Variants in CEP70 observed in about 807,000 individuals in gnomAD.
CEP70 encodes the protein centrosomal protein 70.
In CEP70, 70 loss-of-function variants were observed where a neutral mutation model predicts 90.9. That is an observed-to-expected ratio of 0.77 (90% confidence interval 0.64 to 0.94). CEP70 has a LOEUF of 0.94. Among genes scored for constraint, CEP70 ranks in the 40% least tolerant of loss-of-function variants. The pLI is 0.00. For synonymous variants in CEP70, 220 were observed against 228.3 expected, an observed-to-expected ratio of 0.96 and a Z score of 0.33; for missense variants, 648 against 669.0, an observed-to-expected ratio of 0.97 and a Z score of 0.35.
Position 138,505,451 on chromosome 3 carries a change from G to T in CEP70, c.1065C>A (p.Ile355=). The part of the protein sequence containing the change: ...DQRYFQVLCS[I]NSIIHNPRAP... The stretch of plus-strand genomic sequence containing the variant: ...CTCTTGGATTGTGGATAATTGAATT[G>T]ATGCTACACAGCACCTTTAAAAAAA... Residue 355 remains isoleucine (I), a synonymous_variant, in exon 13 of 18, where the codon ATC becomes ATA. Coordinates refer to ENST00000264982, the MANE Select transcript of CEP70 (RefSeq NM_024491.4). The T allele has an allele frequency of 6.3e-7, 1 of 1,598,760 alleles. No individual in the cohort carries two copies. Among genetic ancestry groups the T allele is most frequent in the South Asian group, 1.1e-5 (1 of 88,182 alleles).
chr3:138,570,909 T>C (rs1576887655), intron 5 of CEP70, 125 bp downstream of exon 5: 2 of 769,660 alleles, frequency 2.6e-6, no homozygotes, highest in East Asian at 3.0e-5. Flanking sequence ...AAATTTTACC[T>C]ACAAAAATAT....
At chr3:138,557,323 T>C (rs536330723) in intron 6 of CEP70, among the ~76,000 whole-genome samples, 1 of 152,220 alleles carries the variant, frequency 6.6e-6, no homozygotes, top group African/African-American at 2.4e-5. Context: ...TACAAACAAT[T>C]TGTGCAGTTA....
intron 16 of CEP70, chr3:138,499,890 T>G (rs899238000): frequency 4.4e-6 from 2 of 452,884 alleles, no homozygotes; most frequent in Non-Finnish European, 8.1e-6. Context: ...TAAATAAGTT[T>G]TGAAAGTCTT....
At chr3:138,538,123 G>A (rs2038442909) in intron 6 of CEP70, among the ~76,000 whole-genome samples, 1 of 152,168 alleles carries the variant, frequency 6.6e-6, no homozygotes, top group African/African-American at 2.4e-5. Flanking sequence ...TTCCTTGCAG[G>A]AGAACTGTTC....
chr3:138,527,659 C>A (rs1041826207), intron 10 of CEP70, among the ~76,000 whole-genome samples: 2 of 148,252 alleles, frequency 1.3e-5, no homozygotes, highest in Admixed American at 1.4e-4. Flanking sequence ...CGTGCCACAG[C>A]ACTCCAGCCT....
At chr3:138,572,067 C>T (rs372290228) in intron 3 of CEP70, among the ~76,000 whole-genome samples, 14 of 96,448 alleles carry the variant, frequency 1.5e-4, no homozygotes, top group Middle Eastern at 5.1e-3. Context: ...CGTGAGCCAC[C>T]GCCCCAGCCC....
At chr3:138,529,096 G>T in intron 10 of CEP70, 103 bp downstream of exon 10, 1 of 650,922 alleles carries the variant, frequency 1.5e-6, no homozygotes, top group South Asian at 2.1e-5. Flanking sequence ...AGCCCTGGAG[G>T]TCAAGGCTGC....
At chr3:138,566,597 G>A (rs1268806109) in intron 6 of CEP70, among the ~76,000 whole-genome samples, 1 of 152,030 alleles carries the variant, frequency 6.6e-6, no homozygotes, top group African/African-American at 2.4e-5. Context: ...ACTTATAAGT[G>A]GGAGCTGAAC....
At chr3:138,589,618 A>G (rs2042276208) in intron 2 of CEP70, among the ~76,000 whole-genome samples, 1 of 152,106 alleles carries the variant, frequency 6.6e-6, no homozygotes, top group Non-Finnish European at 1.5e-5. Flanking sequence ...AGATCATACC[A>G]CTGCACTACA....
intron 6 of CEP70, among the ~76,000 whole-genome samples, chr3:138,546,175 CCT>C (rs1228174629): frequency 6.6e-6 from 1 of 152,100 alleles, no homozygotes; most frequent in African/African-American, 2.4e-5. Context: ...CTGTAAAATT[CCT>C]CTCTTTGTAC....
At chr3:138,497,420 T>C (rs777297130) in intron 17 of CEP70, 204 of 1,132,086 alleles carry the variant, frequency 1.8e-4, no homozygotes, top group Non-Finnish European at 2.1e-4. Flanking sequence ...TCATTCTTAA[T>C]AGTAAGATAA....
At position 138,576,332 on chromosome 3, in the gene CEP70, G is replaced by A. The variant is rs139021612; in HGVS notation, c.-5-3400C>T. Among the ~76,000 whole-genome samples the A allele has an allele frequency of 1.5e-3, 228 of 152,160 alleles. 5 individuals are homozygous for A. In the East Asian group the frequency reaches 0.031, roughly 20 times the overall value. Reference sequence around the variant, plus strand: ...CTCTGATAAAACAGACTTTAAACCAGCAAAGATCAAAAGAGATAAAGAAGA... The same window carrying A: ...CTCTGATAAAACAGACTTTAAACCAACAAAGATCAAAAGAGATAAAGAAGA... On this transcript the variant is annotated intron_variant, in intron 2 of 17. Transcript: ENST00000264982.
At chr3:138,584,854 G>T (rs988565974) in intron 2 of CEP70, among the ~76,000 whole-genome samples, 2 of 151,782 alleles carry the variant, frequency 1.3e-5, no homozygotes, top group African/African-American at 4.8e-5. Context: ...ACACTGAATC[G>T]GGAAAAACTG....
chr3:138,514,410 T>C (rs917363642), intron 11 of CEP70, among the ~76,000 whole-genome samples: 4 of 152,226 alleles, frequency 2.6e-5, no homozygotes, highest in African/African-American at 9.6e-5. Flanking sequence ...GTAATGTGCA[T>C]CACAATCTGA....
At chr3:138,580,310 A>G (rs1175682176) in intron 2 of CEP70, among the ~76,000 whole-genome samples, 1 of 152,182 alleles carries the variant, frequency 6.6e-6, no homozygotes, top group Non-Finnish European at 1.5e-5. Context: ...AATTCCAGGC[A>G]GCTCAGCACA....
At chr3:138,515,467 CAAAAAAA>C (rs145902706) in intron 11 of CEP70, among the ~76,000 whole-genome samples, 2 of 65,392 alleles carry the variant, frequency 3.1e-5, no homozygotes, top group Non-Finnish European at 5.7e-5. Flanking sequence ...CATAGAAATG[CAAAAAAA>C]AAAAAAAAAA....
chr3:138,529,408 C>T lies in CEP70; in HGVS notation c.747G>A (p.Leu249=). 6.2e-7 allele frequency: 1 copy of T among 1,611,734 alleles called. No homozygotes were observed. The highest frequency in any genetic ancestry group is 8.5e-7 in the Non-Finnish European group (1 of 1,178,954). The change falls in exon 9 of 18, where the codon CTG becomes CTA. Residue 249 remains leucine, a synonymous_variant. Transcript: ENST00000264982. ...QSEEENDYRN[L]DASPTYKGLL... is the part of the protein sequence containing the mutation. Reference sequence around the variant, plus strand: ...GGCCTTTATAAGTTGGTGAGGCATCCAGATTTCTGTAGTCGTTTTCTTCTT... The same window carrying T: ...GGCCTTTATAAGTTGGTGAGGCATCTAGATTTCTGTAGTCGTTTTCTTCTT...
In CEP70 at chr3:138,537,061, A is replaced by G. The variant is rs7636924; in HGVS notation, c.635+117T>C. 1.9e-3 allele frequency: 1,088 copies of G among 573,374 alleles called. 8 individuals carry two copies. In the African/African-American group the frequency reaches 0.019, roughly 10 times the overall value. 35.5% of individuals were successfully genotyped at this position (573,374 alleles called of 1,614,324 possible). A position where few individuals can be genotyped will look rare whatever the true frequency, so the allele number is the denominator to read the frequency against. On this transcript the variant is annotated intron_variant, in intron 7 of 17. Coordinates refer to ENST00000264982, the MANE Select transcript of CEP70 (RefSeq NM_024491.4). ...GAAAAACAATGCAGAAGAGGAGGAG[A>G]GAGAGGCTTTTCTAGTTTATAAGAG...
chr3:138,522,385 A>C (rs2036750358), intron 11 of CEP70, among the ~76,000 whole-genome samples: 1 of 152,228 alleles, frequency 6.6e-6, no homozygotes, highest in South Asian at 2.1e-4. Flanking sequence ...AGCAGAACTG[A>C]AGGAAATAGA....
Sources: gnomAD v4.1 joint callset for allele counts (sites outside exome capture counted in the v4.1 genomes callset) on GRCh38, gnomAD v4.1.1 for gene constraint, MANE v1.5 for transcripts, NCBI Gene and HGNC (gene_info 2026-07-23, HGNC 2026-07-21) for gene names.